MYH14: variants seen among roughly 807,000 people sequenced by gnomAD.
The protein encoded by MYH14 is myosin-14.
MYH14 carries 123 observed loss-of-function variants against 255.5 expected under a neutral mutation model. The observed-to-expected ratio is 0.48, with a 90% CI of 0.42 to 0.56. The LOEUF (loss-of-function observed/expected upper bound fraction) is 0.56, where lower values mean the gene tolerates loss of function less well. Among genes scored for constraint, MYH14 ranks in the 20% least tolerant of loss-of-function variants. MYH14 has a pLI of 0.00. For synonymous variants in MYH14, 1,095 were observed against 1,161.2 expected (o/e 0.94, Z 1.16); for missense variants, 2,423 against 2,802.3 (o/e 0.86, Z 3.06).
Position 50,272,018 on chromosome 19 carries a change from G to A in MYH14, c.3295+46G>A, listed in dbSNP as rs546471680. 183 of 1,588,696 alleles carry A rather than the reference G, an allele frequency of 1.2e-4. No homozygotes were observed. In the South Asian group the frequency reaches 2.0e-3, roughly 17 times the overall value. On this transcript the variant is annotated intron_variant, in intron 26 of 42. Transcript: ENST00000642316. ...TAGGGGTCTGTGTGTGCTCTAATGGGGGACCTCAGGCAAGCCCCATGTGCT... is the reference window on the plus strand; with the variant it reads ...TAGGGGTCTGTGTGTGCTCTAATGGAGGACCTCAGGCAAGCCCCATGTGCT...
chr19:50,256,785 AAT>A (rs2034607235), intron 17 of MYH14, among the ~76,000 whole-genome samples: 1 of 152,230 alleles, frequency 6.6e-6, no homozygotes, highest in African/African-American at 2.4e-5. Flanking sequence ...TACATCTTTT[AAT>A]ATGTTTCAGA....
intron 22 of MYH14, 118 bp downstream of exon 22, chr19:50,263,538 G>A (rs1600975470): frequency 5.1e-6 from 3 of 592,234 alleles, no homozygotes; most frequent in Non-Finnish European, 8.3e-6. Context: ...CTAAAATGGG[G>A]CCAGTCGGCC....
chr19:50,293,586 C>A lies in MYH14; in HGVS notation c.5368C>A (p.Arg1790Ser). The A allele has an allele frequency of 6.2e-7, 1 of 1,613,018 alleles. No individual in the cohort carries two copies. The highest frequency in any genetic ancestry group is 8.5e-7 in the Non-Finnish European group (1 of 1,179,512). ...TAGGGCAGCCATTCTGGAGGAGAAG[C>A]GTCAGCTGGAGGGGCGCCTGGGGCA... ...LSKAAILEEK[R>S]QLEGRLGQLE... is the part of the protein sequence containing the mutation. Residue 1790 changes from arginine to serine, a missense_variant, in exon 39 of 43, where the codon CGT becomes AGT. Physicochemically the swap from Arg to Ser is moderately radical, Grantham distance 110. Transcript: ENST00000642316. The surrounding 1 kb of genome is among the most constrained non-coding windows in gnomAD (Gnocchi z 4.1).
chr19:50,291,038 G>A lies in MYH14; in HGVS notation c.5117G>A (p.Arg1706His), dbSNP rs1328024294. Residue 1706 changes from arginine to histidine, a missense_variant, in exon 36 of 43, where the codon CGC becomes CAC. Transcript: ENST00000642316. ...QGKEEAVKQL[R>H]KMQAQMKELW... ...AAGGAGGAGGCGGTGAAGCAGCTTC[G>A]CAAGATGCAGGTAAGAGCCGGCGTG... The A allele has an allele frequency of 5.0e-6, 8 of 1,612,790 alleles. No individual in the cohort carries two copies. Among genetic ancestry groups the A allele is most frequent in the African/African-American group, 1.3e-5 (1 of 74,914 alleles).
rs200818171 is a variant in MYH14 at position 50,223,085 on chromosome 19, C to T, written c.565C>T (p.Arg189Cys). The T allele has an allele frequency of 3.9e-4, 625 of 1,613,510 alleles. 4 individuals carry two copies. The South Asian group carries it at 4.5e-3, about 12-fold the overall frequency. ...EGAYRSMLQDREDQSILCTGE... is the reference protein window; with the variant it reads ...EGAYRSMLQDCEDQSILCTGE... ...TTCCCCCACTCTGTCCCCTACAGATCGTGAGGACCAGTCCATTCTCTGCAC... is the reference window on the plus strand; with the variant it reads ...TTCCCCCACTCTGTCCCCTACAGATTGTGAGGACCAGTCCATTCTCTGCAC... Residue 189 changes from arginine to cysteine, a missense_variant and splice_region_variant, in exon 4 of 43, where the codon CGT (arginine) becomes TGT (cysteine). Transcript: ENST00000642316.
chr19:50,246,869 C>T (rs944555539), intron 11 of MYH14, 135 bp from the exon 12 acceptor site: 19 of 627,120 alleles, frequency 3.0e-5, no homozygotes, highest in African/African-American at 2.0e-4. Flanking sequence ...TTTTGGGACT[C>T]GTAATGCCTC....
intron 1 of MYH14, among the ~76,000 whole-genome samples, chr19:50,204,926 G>A (rs951986242): frequency 8.6e-5 from 13 of 150,386 alleles, no homozygotes; most frequent in African/African-American, 1.2e-4. Context: ...ATCATTTTAT[G>A]ATCTCAAAGA....
In MYH14 at chr19:50,280,099, C is replaced by T. The variant is rs1277566539; in HGVS notation, c.4095C>T (p.Ser1365=). The T allele has an allele frequency of 6.2e-7, 1 of 1,610,154 alleles. No individual in the cohort carries two copies. The highest frequency in any genetic ancestry group is 8.5e-7 in the Non-Finnish European group (1 of 1,178,332). The change falls in exon 31 of 43, where the codon AGC becomes AGT. Residue 1365 remains serine (S), a synonymous_variant. Coordinates refer to ENST00000642316, the MANE Select transcript of MYH14 (RefSeq NM_001145809.2). The surrounding 1 kb of genome is among the most constrained non-coding windows in gnomAD (Gnocchi z 4.8). ...NEAESKTIRL[S]KELSSTEAQL... ...CTGAGTCCAAAACCATCCGTCTTAG[C>T]AAGGAGCTGAGCAGCACAGAAGCCC...
At chr19:50,207,271 C>CAGAGAGAGAGAGGGAGAG (rs2031837118) in intron 1 of MYH14, among the ~76,000 whole-genome samples, 1 of 76,804 alleles carries the variant, frequency 1.3e-5, no homozygotes, top group Non-Finnish European at 2.5e-5. Context: ...GAGAGAGAGA[C>CAGAGAGAGAGAGGGAGAG]AGAGAGAGAG....
Position 50,250,158 on chromosome 19 carries a change from C to T in MYH14, c.1656+335C>T, listed in dbSNP as rs1055964708. On this transcript the variant is annotated intron_variant, in intron 14 of 42. Transcript: ENST00000642316. This position sits in a 1 kb window ranked among gnomAD's most constrained non-coding sequence, Gnocchi z 5.4. ...CTCTATCGCCCAGGCTGGAGTGCAG[C>T]GGCGCGATCTCTGCTTACTGCAAGC... Among the ~76,000 whole-genome samples the T allele has an allele frequency of 2.6e-5, 4 of 152,118 alleles. No homozygotes were observed. Among genetic ancestry groups the T allele is most frequent in the East Asian group, 1.9e-4 (1 of 5,192 alleles).
intron 41 of MYH14, among the ~76,000 whole-genome samples, chr19:50,308,101 G>A (rs1347418528): frequency 6.6e-6 from 1 of 152,224 alleles, no homozygotes; most frequent in Non-Finnish European, 1.5e-5. Flanking sequence ...GAGGATTGGG[G>A]AATCCTCTTC....
chr19:50,244,133 G>A (rs2033998926), intron 10 of MYH14, 109 bp from the exon 11 acceptor site: 4 of 837,938 alleles, frequency 4.8e-6, no homozygotes, highest in Admixed American at 4.1e-5. Flanking sequence ...AAGCTGAGGG[G>A]TGGTGATATA....
intron 2 of MYH14, among the ~76,000 whole-genome samples, chr19:50,213,425 G>A (rs994417041): frequency 4.6e-5 from 7 of 152,182 alleles, no homozygotes; most frequent in Non-Finnish European, 7.3e-5. Flanking sequence ...CACTGTGACT[G>A]CAGACCCCAG....
chr19:50,252,165 G>A lies in MYH14; in HGVS notation c.1831-474G>A, dbSNP rs534678857. Among the ~76,000 whole-genome samples the A allele has an allele frequency of 3.9e-5, 6 of 152,282 alleles. No homozygotes were observed. The South Asian group carries it at 1.0e-3, about 26-fold the overall frequency. ...TGAGTCAGACCTGGGCCCTGCCCTC[G>A]GGGGACCGCTGTCTGGTGGGGGGCA... On this transcript the variant is annotated intron_variant, in intron 15 of 42. Coordinates refer to ENST00000642316, the MANE Select transcript of MYH14 (RefSeq NM_001145809.2). This position sits in a 1 kb window ranked among gnomAD's most constrained non-coding sequence, Gnocchi z 4.2.
chr19:50,305,204 G>T (rs917374864), intron 40 of MYH14, among the ~76,000 whole-genome samples: 9 of 151,966 alleles, frequency 5.9e-5, no homozygotes, highest in Non-Finnish European at 1.3e-4. Flanking sequence ...ACTGGAAGCT[G>T]GGAGGTTTGG....
rs556654873 is a variant in MYH14, at chr19:50,302,242, A to G, written c.5678+373A>G. ...GAGGCTGCAGTGAGCTGTGATCACA[A>G]CACTGCACTCCAGCCTGAGTAACAG... On this transcript the variant is annotated intron_variant, in intron 40 of 42. Transcript: ENST00000642316. Among the ~76,000 whole-genome samples, 289 of 150,362 alleles carry G rather than the reference A, an allele frequency of 1.9e-3. 3 individuals carry two copies. The highest frequency in any genetic ancestry group is 6.9e-3 in the African/African-American group (281 of 40,484).
In MYH14 at chr19:50,280,170, G is replaced by T. The variant is rs369484392; in HGVS notation, c.4137+29G>T. On this transcript the variant is annotated intron_variant, in intron 31 of 42. Coordinates refer to ENST00000642316, the MANE Select transcript of MYH14 (RefSeq NM_001145809.2). This position sits in a 1 kb window ranked among gnomAD's most constrained non-coding sequence, Gnocchi z 4.8. Reference sequence around the variant, plus strand: ...ACCCTGCCTGCCCTTCGGCTCCACCGTCACCCTCCCCTCCTTGTCCTCCCA... The same window carrying T: ...ACCCTGCCTGCCCTTCGGCTCCACCTTCACCCTCCCCTCCTTGTCCTCCCA... The T allele has an allele frequency of 2.6e-6, 4 of 1,566,588 alleles. No individual in the cohort carries two copies. The highest frequency in any genetic ancestry group is 3.5e-6 in the Non-Finnish European group (4 of 1,156,752).
chr19:50,292,448 C>T (rs905918488), intron 37 of MYH14, 59 bp downstream of exon 37: 1 of 1,444,028 alleles, frequency 6.9e-7, no homozygotes, highest in Non-Finnish European at 9.2e-7. Context: ...CAAGGCTAAC[C>T]TTGAGGTCCC....
chr19:50,223,215 A>G, intron 4 of MYH14, 32 bp from the exon 5 acceptor site: 4 of 1,611,048 alleles, frequency 2.5e-6, no homozygotes, highest in Non-Finnish European at 3.4e-6. Flanking sequence ...GGTCATTGCC[A>G]ACCCCTTTGC....
Sources: gnomAD v4.1 joint callset for allele counts (sites outside exome capture counted in the v4.1 genomes callset) on GRCh38, gnomAD v4.1.1 for gene constraint, Gnocchi (gnomAD v3.1) non-coding constraint, MANE v1.5 for transcripts, NCBI Gene and HGNC (gene_info 2026-07-23, HGNC 2026-07-21) for gene names.